The following STK3 variants were observed in gnomAD, a reference collection of about 807,000 sequenced individuals.
STK3 encodes serine/threonine kinase 3, also known as serine/threonine-protein kinase 3.
In STK3, 41 loss-of-function variants were observed where a neutral mutation model predicts 58.0. The ratio of observed to expected loss-of-function variants is 0.71; its 90% CI spans 0.55 to 0.92. STK3 has a LOEUF of 0.92. Among genes scored for constraint, STK3 ranks in the 40% least tolerant of loss-of-function variants. The pLI, the probability that STK3 is intolerant of heterozygous loss-of-function variation, is 0.00. For missense variants in STK3, 479 were observed against 602.7 expected, an observed-to-expected ratio of 0.79 and a Z score of 2.15; for synonymous variants, 170 against 191.0, an observed-to-expected ratio of 0.89 and a Z score of 0.91.
intron 10 of STK3, among the ~76,000 whole-genome samples, chr8:98,468,453 T>C (rs1373169638): frequency 1.3e-5 from 2 of 152,214 alleles, no homozygotes; most frequent in Admixed American, 6.5e-5. Flanking sequence ...AGGAGGCTCT[T>C]ATGAAAATGT....
At chr8:98,612,164 G>T (rs944559190) in intron 6 of STK3, among the ~76,000 whole-genome samples, 9 of 150,290 alleles carry the variant, frequency 6.0e-5, no homozygotes, top group African/African-American at 9.7e-5. Context: ...TAAAAACTAT[G>T]TGTAACTTCT....
intron 7 of STK3, among the ~76,000 whole-genome samples, chr8:98,593,379 G>A (rs1489285956): frequency 2.0e-5 from 3 of 152,052 alleles, no homozygotes; most frequent in Non-Finnish European, 4.4e-5. Flanking sequence ...ATCTGTACAC[G>A]TAAGCTATAG....
intron 1 of STK3, among the ~76,000 whole-genome samples, chr8:98,806,569 C>T (rs1833897398): frequency 6.6e-6 from 1 of 152,090 alleles, no homozygotes; most frequent in Non-Finnish European, 1.5e-5. Flanking sequence ...GTCATTATTC[C>T]AAGTGACTCT....
intron 6 of STK3, chr8:98,633,503 G>A (rs928125108): frequency 1.2e-5 from 8 of 651,050 alleles, no homozygotes; most frequent in Non-Finnish European, 2.0e-5. Context: ...GGTGGCGTTG[G>A]CTTTGCCAGC....
At chr8:98,576,606 G>A (rs1449350153) in intron 8 of STK3, among the ~76,000 whole-genome samples, 3 of 152,022 alleles carry the variant, frequency 2.0e-5, no homozygotes, top group South Asian at 2.1e-4. Flanking sequence ...TTAACTCCAC[G>A]GTTAAATTTA....
upstream of STK3, among the ~76,000 whole-genome samples, chr8:98,392,054 C>T (rs1474532607): frequency 6.6e-6 from 1 of 152,166 alleles, no homozygotes; most frequent in East Asian, 1.9e-4. Context: ...ACCTGTCTAT[C>T]TCTCCTCTTA....
intron 9 of STK3, among the ~76,000 whole-genome samples, chr8:98,542,426 C>T (rs1423010652): frequency 6.6e-6 from 1 of 152,098 alleles, no homozygotes; most frequent in Non-Finnish European, 1.5e-5. Context: ...TCAAACCCCT[C>T]TTATTCATGT....
intron 1 of STK3, among the ~76,000 whole-genome samples, chr8:98,885,659 C>G (rs1270144425): frequency 6.6e-6 from 1 of 152,212 alleles, no homozygotes; most frequent in Non-Finnish European, 1.5e-5. Context: ...AGGCTGGTCT[C>G]AAACTCCCAA....
rs58533785 is a variant in STK3 at position 98,420,512 on chromosome 8, C to T, written n.483+13615G>A. Among the ~76,000 whole-genome samples, 872 of 152,264 alleles carry T rather than the reference C, an allele frequency of 5.7e-3. 7 individuals are homozygous for T. The highest frequency in any genetic ancestry group is 0.02 in the African/African-American group (824 of 41,522). ...GATTGGTACTATCTGTAGTTTCAGG[C>T]ACCCACTGGGGGACTTGGAATGTAT... is the stretch of plus-strand genomic sequence containing the variant. On this transcript the variant is annotated intron_variant and non_coding_transcript_variant, in intron 3 of 3. Transcript: ENST00000517832.
At chr8:98,764,425 C>T (rs1334426488) in intron 3 of STK3, among the ~76,000 whole-genome samples, 1 of 152,154 alleles carries the variant, frequency 6.6e-6, no homozygotes, top group Non-Finnish European at 1.5e-5. Context: ...TATATGGTTC[C>T]TTTCCTTAAG....
At chr8:98,470,232 T>C (rs1820816893) in intron 10 of STK3, among the ~76,000 whole-genome samples, 1 of 152,220 alleles carries the variant, frequency 6.6e-6, no homozygotes, top group Admixed American at 6.5e-5. Context: ...ACACTGCCCA[T>C]TTCTGGATAC....
chr8:98,924,234 T>C (rs919484647), intron 1 of STK3, among the ~76,000 whole-genome samples: 55 of 152,250 alleles, frequency 3.6e-4, no homozygotes, highest in African/African-American at 1.1e-3. Context: ...GAACCTTGTC[T>C]GTTTAATAAG....
chr8:98,497,295 C>T (rs575278635), intron 10 of STK3, among the ~76,000 whole-genome samples: 3 of 152,134 alleles, frequency 2.0e-5, no homozygotes, highest in African/African-American at 7.2e-5. Flanking sequence ...CAAATATTAA[C>T]TCAAAATAGA....
At chr8:98,442,215 G>A (rs922173551) in intron 1 of STK3, among the ~76,000 whole-genome samples, 3 of 152,086 alleles carry the variant, frequency 2.0e-5, no homozygotes, top group Non-Finnish European at 2.9e-5. Context: ...CATAATTCAA[G>A]CCCCCAGCCC....
At chr8:98,690,353 T>C (rs1270351276) in intron 6 of STK3, among the ~76,000 whole-genome samples, 3 of 148,874 alleles carry the variant, frequency 2.0e-5, no homozygotes, top group African/African-American at 7.4e-5. Flanking sequence ...TCTCAGGATA[T>C]AAAGTCAATG....
intron 1 of STK3, among the ~76,000 whole-genome samples, chr8:98,885,773 A>G (rs1013401645): frequency 6.6e-6 from 1 of 152,212 alleles, no homozygotes; most frequent in Non-Finnish European, 1.5e-5. Context: ...AAAGCATTGC[A>G]TTTATTTGTA....
At chr8:98,547,725 G>A (rs1468529302) in intron 9 of STK3, among the ~76,000 whole-genome samples, 2 of 152,006 alleles carry the variant, frequency 1.3e-5, no homozygotes, top group African/African-American at 4.8e-5. Context: ...ATTAAGCCGT[G>A]GGTTAGCAAC....
chr8:98,536,976 C>A (rs543871979), intron 9 of STK3, among the ~76,000 whole-genome samples: 40 of 152,196 alleles, frequency 2.6e-4, no homozygotes, highest in African/African-American at 9.6e-4. Flanking sequence ...CCTAAAAAAC[C>A]TATGGCAAAA....
At chr8:98,505,559 C>G (rs1328415158) in intron 10 of STK3, among the ~76,000 whole-genome samples, 1 of 152,108 alleles carries the variant, frequency 6.6e-6, no homozygotes, top group African/African-American at 2.4e-5. Flanking sequence ...ATGCTGGTGA[C>G]CTACCGATGG....
Sources: gnomAD v4.1 joint callset for allele counts (sites outside exome capture counted in the v4.1 genomes callset) on GRCh38, gnomAD v4.1.1 for gene constraint, MANE v1.5 for transcripts, NCBI Gene and HGNC (gene_info 2026-07-23, HGNC 2026-07-21) for gene names.